RFTN2: variants seen among roughly 807,000 people sequenced by gnomAD.
RFTN2 encodes raftlin family member 2.
Under a neutral mutation model 52.7 loss-of-function variants are expected in RFTN2, and 34 were observed. The ratio of observed to expected loss-of-function variants is 0.64; its 90% CI spans 0.49 to 0.86. The LOEUF (loss-of-function observed/expected upper bound fraction) is 0.86, where lower values mean the gene tolerates loss of function less well. RFTN2 is among the 40% of genes least tolerant of loss of function. RFTN2 has a pLI of 0.00. For missense variants in RFTN2, 536 were observed against 600.1 expected (o/e 0.89, Z 1.12); for synonymous variants, 203 against 217.7 (o/e 0.93, Z 0.59).
rs111285355 is a variant in RFTN2 at position 197,612,413 on chromosome 2, T to C, written c.1154+3463A>G. Among the ~76,000 whole-genome samples the C allele has an allele frequency of 1.1e-3, 175 of 152,328 alleles. 3 individuals are homozygous for C. The highest frequency in any genetic ancestry group is 4.0e-3 in the African/African-American group (167 of 41,576). ...ACTCCAGAATTGGAGAGGGGAGCCATGCTGCTGTTTTGAGGTAGCCAAACA... is the reference window on the plus strand; with the variant it reads ...ACTCCAGAATTGGAGAGGGGAGCCACGCTGCTGTTTTGAGGTAGCCAAACA... On this transcript the variant is annotated intron_variant, in intron 7 of 8. Transcript: ENST00000295049.
At chr2:197,599,071 C>G (rs538675989) in intron 7 of RFTN2, among the ~76,000 whole-genome samples, 79 of 152,164 alleles carry the variant, frequency 5.2e-4, no homozygotes, top group African/African-American at 1.9e-3. Flanking sequence ...CCTACCTCAG[C>G]CTCCCGAGTA....
At chr2:197,611,339 G>A (rs889760171) in intron 7 of RFTN2, among the ~76,000 whole-genome samples, 3 of 152,130 alleles carry the variant, frequency 2.0e-5, no homozygotes, top group Non-Finnish European at 4.4e-5. Context: ...GTTTAGTCTT[G>A]GGAGGGTGTA....
chr2:197,607,223 T>C (rs954968956), intron 7 of RFTN2, among the ~76,000 whole-genome samples: 18 of 151,914 alleles, frequency 1.2e-4, no homozygotes, highest in Admixed American at 7.9e-4. Flanking sequence ...AGCAAACTAT[T>C]GCAAGGACAA....
chr2:197,577,961 C>T (rs1365800000), intron 8 of RFTN2, among the ~76,000 whole-genome samples: 1 of 152,192 alleles, frequency 6.6e-6, no homozygotes, highest in Non-Finnish European at 1.5e-5. Context: ...AAGTGATCTG[C>T]CTGCCTCAGC....
At chr2:197,624,395 G>A (rs544019556) in intron 5 of RFTN2, among the ~76,000 whole-genome samples, 1 of 149,358 alleles carries the variant, frequency 6.7e-6, no homozygotes, top group East Asian at 2.1e-4. Context: ...GTCGGGAGAT[G>A]GAGACCATCC....
chr2:197,649,819 G>C (rs2088800636), intron 1 of RFTN2, among the ~76,000 whole-genome samples: 1 of 152,134 alleles, frequency 6.6e-6, no homozygotes, highest in African/African-American at 2.4e-5. Context: ...CACAAAAAAG[G>C]CACCTACGAA....
intron 7 of RFTN2, among the ~76,000 whole-genome samples, chr2:197,599,362 CT>C (rs1191939898): frequency 2.0e-5 from 3 of 152,200 alleles, no homozygotes; most frequent in Admixed American, 6.5e-5. Flanking sequence ...CAATTTATTC[CT>C]GACCTGACTT....
In RFTN2 at chr2:197,572,429, G is replaced by A. The variant is rs1242282643; in HGVS notation, c.1234-149C>T. On this transcript the variant is annotated intron_variant, in intron 8 of 8. Transcript: ENST00000295049. ...GCTCATCTTCAACGACCAGCTCAGA[G>A]CTACCTCCACATTCCCCTCTCCACC... 3 of 705,960 alleles carry A rather than the reference G, an allele frequency of 4.2e-6. No individual in the cohort carries two copies. In the African/African-American group the frequency reaches 5.4e-5, roughly 13 times the overall value. The allele number at this position is 705,960 out of a possible 1,614,324, so 43.7% of individuals were successfully genotyped here.
intron 6 of RFTN2, among the ~76,000 whole-genome samples, chr2:197,616,275 T>TTTATTCTA (rs1553601957): frequency 1.6e-5 from 1 of 61,502 alleles, no homozygotes; most frequent in African/African-American, 7.5e-5. Context: ...CTGCATTTTA[T>TTTATTCTA]TTTATTTTAT....
At chr2:197,573,110 T>TG (rs1341761563) in intron 8 of RFTN2, among the ~76,000 whole-genome samples, 2 of 86,566 alleles carry the variant, frequency 2.3e-5, no homozygotes, top group Non-Finnish European at 4.8e-5. Context: ...GTGGCGGGGG[T>TG]GGGGGGTGCT....
chr2:197,670,635 A>G (rs2089132175), intron 1 of RFTN2, among the ~76,000 whole-genome samples: 1 of 152,184 alleles, frequency 6.6e-6, no homozygotes, highest in South Asian at 2.1e-4. Flanking sequence ...TGACTGAGTC[A>G]CTGCACTTCA....
At chr2:197,625,680 TCTCCTCTC>T (rs1399545475) in intron 5 of RFTN2, among the ~76,000 whole-genome samples, 9 of 120,654 alleles carry the variant, frequency 7.5e-5, no homozygotes, top group Admixed American at 5.8e-4. Flanking sequence ...TCTCCTCTCC[TCTCCTCTC>T]CTCTCCTCTC....
At chr2:197,644,620 A>C (rs2088722654) in intron 2 of RFTN2, among the ~76,000 whole-genome samples, 1 of 152,252 alleles carries the variant, frequency 6.6e-6, no homozygotes, top group Admixed American at 6.5e-5. Context: ...GCAAATAAAT[A>C]TTGCCCTTTT....
chr2:197,624,029 C>A (rs187712372), intron 5 of RFTN2, among the ~76,000 whole-genome samples: 3 of 152,176 alleles, frequency 2.0e-5, no homozygotes, highest in Admixed American at 6.5e-5. Context: ...GAACTCCTGA[C>A]CTCAAGTGAT....
chr2:197,615,730 A>G (rs770383315), intron 7 of RFTN2, 146 bp downstream of exon 7: 8 of 574,694 alleles, frequency 1.4e-5, no homozygotes, highest in Non-Finnish European at 1.9e-5. Context: ...ATATTTACTA[A>G]CCTCTAAGGT....
At chr2:197,609,358 T>C (rs530720901) in intron 7 of RFTN2, among the ~76,000 whole-genome samples, 4 of 152,384 alleles carry the variant, frequency 2.6e-5, no homozygotes, top group African/African-American at 9.6e-5. Context: ...CATTATGCTT[T>C]TGATTTGCAT....
intron 5 of RFTN2, among the ~76,000 whole-genome samples, chr2:197,618,604 T>A (rs7575864): frequency 1.4e-5 from 2 of 138,024 alleles, no homozygotes; most frequent in African/African-American, 5.6e-5. Context: ...AAGTGAGGAG[T>A]GTCTCTGCCC....
chr2:197,603,741 T>C lies in RFTN2; in HGVS notation c.1155-7672A>G, dbSNP rs551374773. On this transcript the variant is annotated intron_variant, in intron 7 of 8. Transcript: ENST00000295049. Reference sequence around the variant, plus strand: ...ACCAGCCTGGCTAACATGGTGAAACTCCGTCTCTACTAAAAAAACTACAAA... The same window carrying C: ...ACCAGCCTGGCTAACATGGTGAAACCCCGTCTCTACTAAAAAAACTACAAA... Among the ~76,000 whole-genome samples, 40 of 152,054 alleles carry C rather than the reference T, an allele frequency of 2.6e-4. No homozygotes were observed. In the South Asian group the frequency reaches 8.1e-3, roughly 31 times the overall value.
chr2:197,666,713 T>C (rs1294054666), intron 1 of RFTN2, among the ~76,000 whole-genome samples: 3 of 152,242 alleles, frequency 2.0e-5, no homozygotes, highest in Non-Finnish European at 4.4e-5. Flanking sequence ...TTTCATTAAA[T>C]AGGTCTTCTA....
Sources: allele counts gnomAD v4.1 joint callset (sites outside exome capture counted in the v4.1 genomes callset), GRCh38; gene constraint gnomAD v4.1.1; transcripts MANE v1.5; gene names NCBI Gene and HGNC (gene_info 2026-07-23, HGNC 2026-07-21).